PRPF3: variants seen among roughly 807,000 people sequenced by gnomAD.
The protein encoded by PRPF3 is U4/U6 small nuclear ribonucleoprotein Prp3.
A neutral mutation model predicts 89.2 loss-of-function variants in PRPF3; 3 were observed. The ratio of observed to expected loss-of-function variants is 0.03; its 90% confidence interval spans 0.02 to 0.09. The LOEUF is 0.09. PRPF3 is among the 10% of genes least tolerant of loss of function. The pLI is 1.00. For synonymous variants in PRPF3, 270 were observed against 289.1 expected, an observed-to-expected ratio of 0.93 and a Z score of 0.67; for missense variants, 463 against 828.8, an observed-to-expected ratio of 0.56 and a Z score of 5.42.
Position 150,352,963 on chromosome 1 carries a change from T to TA in PRPF3, c.2037dup (p.Glu680ArgfsTer4), listed in dbSNP as rs2102036388. ...GACCTTGCGCTGAGTGAATCTGTGT[T>TA]AGAGTCCACTGATTGAGACTACTGC... is the stretch of plus-strand genomic sequence containing the variant. On this transcript the variant is annotated frameshift_variant, in exon 16 of 16. Coordinates refer to ENST00000324862, the MANE Select transcript of PRPF3 (RefSeq NM_004698.4). LOFTEE classifies it high-confidence loss of function. 6.2e-7 allele frequency: 1 copy of TA among 1,614,142 alleles called. No individual in the cohort carries two copies. Among genetic ancestry groups the TA allele is most frequent in the Non-Finnish European group, 8.5e-7 (1 of 1,180,016 alleles).
chr1:150,349,111 G>C, intron 14 of PRPF3, 46 bp from the exon 15 acceptor site: 1 of 1,465,052 alleles, frequency 6.8e-7, no homozygotes, highest in Non-Finnish European at 9.6e-7. Context: ...TATTTGTTTA[G>C]AACCTGAATC....
chr1:150,348,372 G>C (rs1237631606), intron 14 of PRPF3, among the ~76,000 whole-genome samples: 4 of 146,210 alleles, frequency 2.7e-5, no homozygotes, highest in Non-Finnish European at 4.5e-5. Flanking sequence ...GCAAGACTCC[G>C]TCTCAAAAAA....
intron 3 of PRPF3, among the ~76,000 whole-genome samples, chr1:150,326,161 C>A (rs1655685591): frequency 6.6e-6 from 1 of 151,456 alleles, no homozygotes. Context: ...CCTTTTTTTC[C>A]TTCTTACTGT....
chr1:150,330,866 G>A (rs916267061), intron 4 of PRPF3, among the ~76,000 whole-genome samples: 2 of 150,254 alleles, frequency 1.3e-5, no homozygotes, highest in Admixed American at 6.7e-5. Context: ...ACAGGCACGC[G>A]CCACCACGCC....
intron 1 of PRPF3, among the ~76,000 whole-genome samples, chr1:150,321,903 GA>G (rs1294402538): frequency 6.6e-6 from 1 of 151,994 alleles, no homozygotes; most frequent in Non-Finnish European, 1.5e-5. Flanking sequence ...GCTGCAGAGG[GA>G]AACTCAGGTT....
chr1:150,346,966 C>A (rs587695079), intron 14 of PRPF3, among the ~76,000 whole-genome samples: 1 of 152,152 alleles, frequency 6.6e-6, no homozygotes, highest in East Asian at 1.9e-4. Flanking sequence ...TGGCACACAC[C>A]TGTATTCCCA....
At chr1:150,350,277 C>A (rs1374389584) in intron 15 of PRPF3, among the ~76,000 whole-genome samples, 2 of 151,278 alleles carry the variant, frequency 1.3e-5, no homozygotes, top group Non-Finnish European at 2.9e-5. Flanking sequence ...TCTCAGCTCA[C>A]CGCAACCACC....
intron 3 of PRPF3, chr1:150,327,455 G>A (rs782364170): frequency 6.8e-5 from 23 of 336,476 alleles, no homozygotes; most frequent in Non-Finnish European, 8.5e-5. Context: ...CTTCTTGAAG[G>A]AGGTGTCTAG....
chr1:150,323,677 C>T (rs1367260671), intron 1 of PRPF3, among the ~76,000 whole-genome samples: 3 of 151,700 alleles, frequency 2.0e-5, no homozygotes, highest in Non-Finnish European at 2.9e-5. Flanking sequence ...GAAGGATCAT[C>T]AAGTCAGCTG....
Position 150,338,225 on chromosome 1 carries a change from G to T in PRPF3, c.1101G>T (p.Ser367=), listed in dbSNP as rs143858139. ...QAARKTGIHT[S]TRLALIAPKK... ...CTCGAAAAACAGGCATCCATACTTC[G>T]ACTAGGCTTGCCCTCATTGCTCCTA... The change falls in exon 8 of 16, where the codon TCG becomes TCT. Residue 367 remains serine (S), a synonymous_variant. Coordinates refer to ENST00000324862, the MANE Select transcript of PRPF3 (RefSeq NM_004698.4). 3.7e-6 allele frequency: 6 copies of T among 1,613,968 alleles called. No homozygotes were observed. The highest frequency in any genetic ancestry group is 5.1e-6 in the Non-Finnish European group (6 of 1,180,028).
At chr1:150,343,278 G>C in intron 9 of PRPF3, 31 bp from the exon 10 acceptor site, 1 of 1,489,128 alleles carries the variant, frequency 6.7e-7, no homozygotes, top group Non-Finnish European at 9.2e-7. Flanking sequence ...TATTCTTACT[G>C]CTTTGGTATA....
In PRPF3 at chr1:150,324,899, A is replaced by C; in HGVS notation, c.-44A>C. ...TTGTCTCTTTTTTTTTTTTAGGTGT[A>C]GTATTGAGTCCTGTTTGAGCTATTG... On this transcript the variant is annotated 5_prime_UTR_variant, in exon 2 of 16. Coordinates refer to ENST00000324862, the MANE Select transcript of PRPF3 (RefSeq NM_004698.4). 1.7e-6 allele frequency: 2 copies of C among 1,173,298 alleles called. No individual in the cohort carries two copies. Among genetic ancestry groups the C allele is most frequent in the Non-Finnish European group, 2.4e-6 (2 of 843,020 alleles). The allele number at this position is 1,173,298 out of a possible 1,614,324, so 72.7% of individuals were successfully genotyped here.
chr1:150,332,979 C>T lies in PRPF3; in HGVS notation c.508C>T (p.Pro170Ser). ...TGATTTCTTTTTCTCTATCTCACAG[C>T]CAAAGACTCCTTCTTCCTCCCAACC... ...LSFISPPTPQ[P>S]KTPSSSQPER... The change falls in exon 6 of 16, where the codon CCA becomes TCA. Residue 170 changes from proline (P) to serine (S), a missense_variant and splice_region_variant. Coordinates refer to ENST00000324862, the MANE Select transcript of PRPF3 (RefSeq NM_004698.4). The T allele has an allele frequency of 1.9e-6, 3 of 1,612,208 alleles. No homozygotes were observed. Among genetic ancestry groups the T allele is most frequent in the Non-Finnish European group, 2.5e-6 (3 of 1,178,674 alleles).
intron 9 of PRPF3, 55 bp from the exon 10 acceptor site, chr1:150,343,243 AAAAAAATATAT>A (rs782553351): frequency 8.1e-6 from 8 of 981,834 alleles, no homozygotes; most frequent in South Asian, 3.0e-5. Context: ...GAGAGAAAAA[AAAAAAATATAT>A]ATATATATAT....
chr1:150,321,812 G>C (rs1450977845), intron 1 of PRPF3, among the ~76,000 whole-genome samples: 2 of 151,996 alleles, frequency 1.3e-5, no homozygotes, highest in African/African-American at 4.8e-5. Context: ...GGGGTGAGGA[G>C]TTTAGGTAGA....
intron 14 of PRPF3, among the ~76,000 whole-genome samples, chr1:150,348,443 T>C (rs1553873571): frequency 6.9e-6 from 1 of 145,698 alleles, no homozygotes; most frequent in South Asian, 2.2e-4. Flanking sequence ...ATAAAAAATA[T>C]TTTGTTCTAC....
intron 6 of PRPF3, among the ~76,000 whole-genome samples, chr1:150,334,437 C>G (rs12754193): frequency 2.6e-5 from 4 of 152,074 alleles, no homozygotes; most frequent in African/African-American, 9.7e-5. Context: ...TCTCGGCTCC[C>G]TGCAACCTCT....
intron 1 of PRPF3, among the ~76,000 whole-genome samples, chr1:150,324,385 A>C (rs1655461278): frequency 6.6e-6 from 1 of 152,202 alleles, no homozygotes; most frequent in Non-Finnish European, 1.5e-5. Context: ...TTCATTGATC[A>C]ACTTAAGAGT....
At chr1:150,341,427 A>C (rs184153555) in intron 9 of PRPF3, among the ~76,000 whole-genome samples, 2,037 of 64,688 alleles carry the variant, frequency 0.031, 57 homozygotes, top group African/African-American at 0.1. Flanking sequence ...TTTTTTGAGG[A>C]GGAGTTTCGC....
Sources: gnomAD v4.1 joint callset for allele counts (sites outside exome capture counted in the v4.1 genomes callset) on GRCh38, gnomAD v4.1.1 for gene constraint, MANE v1.5 for transcripts, NCBI Gene and HGNC (gene_info 2026-07-23, HGNC 2026-07-21) for gene names.